DGKB: variants seen among roughly 807,000 people sequenced by gnomAD.
DGKB encodes the protein diacylglycerol kinase beta.
A neutral mutation model predicts 114.3 loss-of-function variants in DGKB; 67 were observed. The observed-to-expected ratio is 0.59, with a 90% CI of 0.48 to 0.72. The LOEUF (loss-of-function observed/expected upper bound fraction) is 0.72. DGKB is among the 30% of genes least tolerant of loss of function. The pLI is 0.00. For synonymous variants in DGKB, 398 were observed against 323.1 expected (o/e 1.23, Z -2.49); for missense variants, 907 against 975.2 (o/e 0.93, Z 0.93).
At chr7:14,628,407 T>C (rs962664031) in intron 14 of DGKB, among the ~76,000 whole-genome samples, 1 of 152,090 alleles carries the variant, frequency 6.6e-6, no homozygotes, top group East Asian at 1.9e-4. Context: ...ATAGTATTTT[T>C]ACACTCAGAT....
Position 14,356,693 on chromosome 7 carries a change from G to A in DGKB, c.1836-11302C>T, listed in dbSNP as rs1296976095. ...CTAGTTCTTTTAATTATGATGTTAG[G>A]GTGTGGATTTTAGATCTTTCCTGCT... On this transcript the variant is annotated intron_variant, in intron 21 of 25. Transcript: ENST00000402815. Among the ~76,000 whole-genome samples the A allele has an allele frequency of 2.6e-5, 4 of 151,968 alleles. No homozygotes were observed. The East Asian group carries it at 7.7e-4, about 29-fold the overall frequency.
chr7:14,238,607 G>A (rs1473583651), intron 23 of DGKB, among the ~76,000 whole-genome samples: 1 of 151,746 alleles, frequency 6.6e-6, no homozygotes, highest in Non-Finnish European at 1.5e-5. Flanking sequence ...AATGATCGTA[G>A]CAAATCATTC....
chr7:14,963,422 T>C (rs886543800), intron 1 of DGKB, among the ~76,000 whole-genome samples: 9 of 152,280 alleles, frequency 5.9e-5, no homozygotes, highest in African/African-American at 2.2e-4. Flanking sequence ...AAGTATTTGA[T>C]TGAAGTAATC....
At chr7:14,393,182 G>A (rs1352546395) in intron 21 of DGKB, among the ~76,000 whole-genome samples, 5 of 151,368 alleles carry the variant, frequency 3.3e-5, no homozygotes, top group Admixed American at 2.0e-4. Flanking sequence ...GTAGAGACGG[G>A]GTTTCACCGT....
At chr7:14,454,735 C>A (rs2128852251) in intron 21 of DGKB, among the ~76,000 whole-genome samples, 1 of 152,088 alleles carries the variant, frequency 6.6e-6, no homozygotes, top group South Asian at 2.1e-4. Flanking sequence ...TGGACCCCTG[C>A]ATTATAGCAT....
chr7:14,767,845 A>T (rs1196050482), intron 2 of DGKB, among the ~76,000 whole-genome samples: 1 of 151,970 alleles, frequency 6.6e-6, no homozygotes, highest in Non-Finnish European at 1.5e-5. Context: ...TGACAACTTC[A>T]TTTTATTTTT....
At chr7:14,895,042 T>C (rs932119629) in intron 1 of DGKB, among the ~76,000 whole-genome samples, 1 of 151,592 alleles carries the variant, frequency 6.6e-6, no homozygotes, top group Non-Finnish European at 1.5e-5. Flanking sequence ...TGTGCTGTTT[T>C]TCTATGTGGG....
intron 21 of DGKB, among the ~76,000 whole-genome samples, chr7:14,353,131 C>G (rs180835503): frequency 6.6e-6 from 1 of 151,848 alleles, no homozygotes; most frequent in African/African-American, 2.4e-5. Flanking sequence ...TCAAGAAACC[C>G]TAGCTTTTTT....
At chr7:14,740,411 G>C (rs1416929162) in intron 4 of DGKB, among the ~76,000 whole-genome samples, 1 of 152,094 alleles carries the variant, frequency 6.6e-6, no homozygotes, top group East Asian at 1.9e-4. Flanking sequence ...TTCTTGAAAA[G>C]TGTTTTATTA....
chr7:14,699,434 G>C (rs71538883), intron 7 of DGKB, among the ~76,000 whole-genome samples: 3 of 152,002 alleles, frequency 2.0e-5, no homozygotes, highest in Non-Finnish European at 4.4e-5. Context: ...CCCCACCTAA[G>C]ACTCAGTTTT....
intron 7 of DGKB, among the ~76,000 whole-genome samples, chr7:14,699,859 T>C (rs1035246459): frequency 6.6e-6 from 1 of 152,056 alleles, no homozygotes; most frequent in African/African-American, 2.4e-5. Context: ...TTCTAAATAT[T>C]GCTAGTAGTC....
upstream of DGKB, among the ~76,000 whole-genome samples, chr7:14,906,274 A>ATGT (rs964725580): frequency 6.6e-6 from 1 of 151,854 alleles, no homozygotes; most frequent in Non-Finnish European, 1.5e-5. Flanking sequence ...TGTTCCTAAA[A>ATGT]TGTTGGCCTT....
At chr7:14,725,947 T>A (rs375503113) in intron 5 of DGKB, among the ~76,000 whole-genome samples, 1 of 152,168 alleles carries the variant, frequency 6.6e-6, no homozygotes, top group East Asian at 1.9e-4. Context: ...TATTAAGCAT[T>A]TATAATGTAC....
intron 25 of DGKB, chr7:14,176,406 C>A (rs1233272753): frequency 3.0e-6 from 3 of 984,938 alleles, no homozygotes; most frequent in South Asian, 4.7e-5. Flanking sequence ...GAGAAGAAAG[C>A]CCTCAAATCC....
At chr7:14,780,629 A>T (rs942459915) in intron 2 of DGKB, among the ~76,000 whole-genome samples, 1 of 136,800 alleles carries the variant, frequency 7.3e-6, no homozygotes, top group Non-Finnish European at 1.5e-5. Context: ...GATGTTCCAC[A>T]GATTTTTTTT....
intron 1 of DGKB, among the ~76,000 whole-genome samples, chr7:14,968,731 T>C (rs1426425273): frequency 6.6e-6 from 1 of 152,318 alleles, no homozygotes; most frequent in African/African-American, 2.4e-5. Context: ...AAGCAGACCC[T>C]GTCAAAATGG....
chr7:14,193,033 A>T (rs1321505589), intron 23 of DGKB, among the ~76,000 whole-genome samples: 4 of 152,074 alleles, frequency 2.6e-5, no homozygotes, highest in Non-Finnish European at 4.4e-5. Flanking sequence ...AATGCGAGTG[A>T]TGGGGAGCAG....
chr7:14,777,522 A>G (rs1452870600), intron 2 of DGKB, among the ~76,000 whole-genome samples: 1 of 152,048 alleles, frequency 6.6e-6, no homozygotes, highest in Non-Finnish European at 1.5e-5. Context: ...TTCTCAAAAG[A>G]TCTGATGGTT....
intron 23 of DGKB, among the ~76,000 whole-genome samples, chr7:14,257,890 C>T (rs1195508158): frequency 6.6e-6 from 1 of 152,082 alleles, no homozygotes; most frequent in Non-Finnish European, 1.5e-5. Flanking sequence ...CCATGCTCGG[C>T]TAATTTTTGT....
Sources: gnomAD v4.1 joint callset for allele counts (sites outside exome capture counted in the v4.1 genomes callset) on GRCh38, gnomAD v4.1.1 for gene constraint, MANE v1.5 for transcripts, NCBI Gene and HGNC (gene_info 2026-07-23, HGNC 2026-07-21) for gene names.